The following ANK2 variants were observed in gnomAD, a reference collection of about 807,000 sequenced individuals.
ANK2 encodes the protein ankyrin-2.
ANK2 carries 83 observed loss-of-function variants against 360.5 expected under a neutral mutation model. The observed-to-expected ratio is 0.23, with a 90% CI of 0.19 to 0.28. The LOEUF is 0.28. ANK2 is among the 10% of genes least tolerant of loss of function. ANK2 has a pLI of 1.00. For synonymous variants in ANK2, 1,740 were observed against 1,759.5 expected, an observed-to-expected ratio of 0.99 and a Z score of 0.28; for missense variants, 4,201 against 4,795.7, an observed-to-expected ratio of 0.88 and a Z score of 3.66.
chr4:113,050,712 A>C (rs1385820714), intron 1 of ANK2, among the ~76,000 whole-genome samples: 2 of 152,200 alleles, frequency 1.3e-5, no homozygotes, highest in African/African-American at 2.4e-5. Flanking sequence ...GCAGGATATT[A>C]GATATGATTG....
intron 31 of ANK2, among the ~76,000 whole-genome samples, chr4:113,338,813 T>C (rs2093908003): frequency 6.6e-6 from 1 of 152,092 alleles, no homozygotes; most frequent in South Asian, 2.1e-4. Flanking sequence ...CCTCCCAAAG[T>C]GCTGGGATTA....
At chr4:113,292,535 C>T (rs2068285804) in intron 21 of ANK2, 21 bp downstream of exon 21, 22 of 1,573,378 alleles carry the variant, frequency 1.4e-5, no homozygotes, top group Non-Finnish European at 1.9e-5. Context: ...CGCCACTGCC[C>T]CTCACCACGC....
chr4:112,821,580 G>A (rs1560657747), intron 1 of ANK2, among the ~76,000 whole-genome samples: 1 of 146,288 alleles, frequency 6.8e-6, no homozygotes. Flanking sequence ...CACAGCTCAT[G>A]TAACCTTGAA....
chr4:113,347,507 T>G (rs2094999150), intron 35 of ANK2, among the ~76,000 whole-genome samples: 1 of 152,180 alleles, frequency 6.6e-6, no homozygotes, highest in Non-Finnish European at 1.5e-5. Flanking sequence ...CAGTGAGCTT[T>G]CAGTGTGCTC....
At chr4:113,063,868 T>C (rs1418193528) in intron 1 of ANK2, among the ~76,000 whole-genome samples, 1 of 152,186 alleles carries the variant, frequency 6.6e-6, no homozygotes, top group Non-Finnish European at 1.5e-5. Flanking sequence ...GTTATTTAGA[T>C]TGCAATAAAA....
chr4:113,233,840 T>G (rs771113915), intron 5 of ANK2, among the ~76,000 whole-genome samples: 1 of 152,118 alleles, frequency 6.6e-6, no homozygotes, highest in African/African-American at 2.4e-5. Context: ...ACACACAGAT[T>G]TTATACTCTT....
intron 3 of ANK2, among the ~76,000 whole-genome samples, chr4:113,197,323 C>T (rs1337385290): frequency 6.6e-6 from 1 of 152,182 alleles, no homozygotes; most frequent in East Asian, 1.9e-4. Context: ...GAAACTGTTC[C>T]TTGATGCTGC....
At chr4:112,733,994 C>T in the ANK2 span, among the ~76,000 whole-genome samples, 1 of 152,166 alleles carries the variant, frequency 6.6e-6, no homozygotes, top group East Asian at 1.9e-4. Flanking sequence ...AGGCTGGTCT[C>T]GAACTCCTGG....
the ANK2 span, among the ~76,000 whole-genome samples, chr4:112,735,330 C>G: frequency 7.2e-6 from 1 of 138,956 alleles, no homozygotes; most frequent in Non-Finnish European, 1.6e-5. Context: ...TACTCTGTTT[C>G]AAAAATAAAT....
At chr4:113,296,137 A>G (rs2071304662) in intron 22 of ANK2, among the ~76,000 whole-genome samples, 1 of 152,176 alleles carries the variant, frequency 6.6e-6, no homozygotes, top group Admixed American at 6.5e-5. Flanking sequence ...CCTTTCTGAT[A>G]TAACTGACTT....
At chr4:112,805,655 C>T in the ANK2 span, among the ~76,000 whole-genome samples, 2 of 150,386 alleles carry the variant, frequency 1.3e-5, no homozygotes, top group Admixed American at 6.7e-5. Context: ...GATCTTGGCT[C>T]ACTGCAACCT....
At position 113,106,375 on chromosome 4, in the gene ANK2, A is replaced by G. The variant is rs571148293; in HGVS notation, c.84+56563A>G. 5.3e-5 allele frequency among the ~76,000 whole-genome samples: 8 copies of G among 152,282 alleles called. 1 individual carries two copies. In the South Asian group the frequency reaches 1.5e-3, roughly 28 times the overall value. ...TTTTAAGCAGCAGATCCTTTTCTTA[A>G]GATAGAGTTTTACAGTGTGGAAGTG... On this transcript the variant is annotated intron_variant, in intron 1 of 45. Transcript: ENST00000357077.
At chr4:113,330,121 C>T in intron 26 of ANK2, 125 bp from the exon 27 acceptor site, 1 of 893,946 alleles carries the variant, frequency 1.1e-6, no homozygotes, top group East Asian at 2.7e-5. Flanking sequence ...AAGCATTTTA[C>T]CACCATGCAT....
chr4:113,357,001 A>G lies in ANK2; in HGVS notation c.8383A>G (p.Ser2795Gly), dbSNP rs1326892961. 1 of 1,614,078 alleles carries G rather than the reference A, an allele frequency of 6.2e-7. No homozygotes were observed. Among genetic ancestry groups the G allele is most frequent in the South Asian group, 1.1e-5 (1 of 91,080 alleles). The stretch of plus-strand genomic sequence containing the variant: ...TGCTCCTGTCTCTTCAGGTCTACAG[A>G]GTCCGACTGGTGATGATGTTGATGA... Reference protein sequence around the residue: ...SAAPVSSGLQSPTGDDVDEQP... With the variant: ...SAAPVSSGLQGPTGDDVDEQP... Residue 2795 changes from serine (S) to glycine (G), a missense_variant, in exon 38 of 46, where the codon AGT becomes GGT. Coordinates refer to ENST00000357077, the MANE Select transcript of ANK2 (RefSeq NM_001148.6).
chr4:113,234,322 T>A (rs191686488), intron 5 of ANK2, among the ~76,000 whole-genome samples: 1 of 152,366 alleles, frequency 6.6e-6, no homozygotes, highest in East Asian at 1.9e-4. Context: ...GAAATGTGTC[T>A]TTTGCAAATA....
the ANK2 span, among the ~76,000 whole-genome samples, chr4:112,750,333 C>A: frequency 1.3e-5 from 2 of 151,922 alleles, no homozygotes; most frequent in African/African-American, 4.8e-5. Flanking sequence ...TGCACTCCAG[C>A]CTGGGCGACA....
the ANK2 span, among the ~76,000 whole-genome samples, chr4:112,730,252 C>CAAA: frequency 8.8e-4 from 45 of 50,884 alleles, no homozygotes; most frequent in African/African-American, 1.6e-3. Context: ...GACTCTGTCT[C>CAAA]AAAAAAAAAA....
the ANK2 span, among the ~76,000 whole-genome samples, chr4:112,754,845 A>C: frequency 6.6e-6 from 1 of 152,200 alleles, no homozygotes; most frequent in Non-Finnish European, 1.5e-5. Flanking sequence ...TGAGGAGATG[A>C]AATATTGGAA....
Position 113,356,646 on chromosome 4 carries a change from T to G in ANK2, c.8028T>G (p.Gly2676=). The G allele has an allele frequency of 6.2e-7, 1 of 1,614,016 alleles. No individual in the cohort carries two copies. The highest frequency in any genetic ancestry group is 8.5e-7 in the Non-Finnish European group (1 of 1,179,960). ...CTGAGTTGGCACAGCTTAAAAAAGG[T>G]GCTGACTCAGGCCTTTTACCAGAAC... ...SEPELAQLKK[G]ADSGLLPEPV... Residue 2676 remains glycine, a synonymous_variant, in exon 38 of 46, where the codon GGT becomes GGG. Coordinates refer to ENST00000357077, the MANE Select transcript of ANK2 (RefSeq NM_001148.6).
Sources: allele counts gnomAD v4.1 joint callset (sites outside exome capture counted in the v4.1 genomes callset), GRCh38; gene constraint gnomAD v4.1.1; transcripts MANE v1.5; gene names NCBI Gene and HGNC (gene_info 2026-07-23, HGNC 2026-07-21).